Variants in TMC3 observed in about 807,000 individuals in gnomAD.
TMC3 encodes the protein transmembrane channel-like protein 3.
In TMC3, 98 loss-of-function variants were observed where a neutral mutation model predicts 110.6. The observed-to-expected ratio is 0.89, with a 90% CI of 0.75 to 1.05. The LOEUF (loss-of-function observed/expected upper bound fraction) is 1.05, where lower values mean the gene tolerates loss of function less well. Ranked by LOEUF, TMC3 falls within the 50% of genes least tolerant of loss-of-function variation. The pLI is 0.00. For synonymous variants in TMC3, 489 were observed against 513.1 expected (o/e 0.95, Z 0.63); for missense variants, 1,319 against 1,373.2 (o/e 0.96, Z 0.62).
chr15:81,334,626 A>G (rs774716431), intron 21 of TMC3, 94 bp downstream of exon 21: 10 of 1,462,242 alleles, frequency 6.8e-6, no homozygotes, highest in Non-Finnish European at 9.1e-6. Flanking sequence ...CTTCTGGGAG[A>G]ATTAGAATTT....
At position 81,332,720 on chromosome 15, in the gene TMC3, T is replaced by A; in HGVS notation, c.3002A>T (p.Glu1001Val). The A allele has an allele frequency of 6.2e-7, 1 of 1,613,794 alleles. No individual in the cohort carries two copies. The highest frequency in any genetic ancestry group is 2.2e-5 in the East Asian group (1 of 44,882). ...VHYKSWNEDF[E>V]GHLERPAYVP... Reference sequence around the variant, plus strand: ...ATAGGCTGGCCTCTCAAGGTGACCCTCAAAATCTTCATTCCACGACTTGTA... The same window carrying A: ...ATAGGCTGGCCTCTCAAGGTGACCCACAAAATCTTCATTCCACGACTTGTA... Residue 1001 changes from glutamate (E) to valine (V), a missense_variant, in exon 22 of 22, where the codon GAG becomes GTG. Transcript: ENST00000359440.
At chr15:81,345,657 C>T (rs1042592780) in intron 12 of TMC3, among the ~76,000 whole-genome samples, 1 of 151,956 alleles carries the variant, frequency 6.6e-6, no homozygotes, top group Non-Finnish European at 1.5e-5. Context: ...ATCGCTTGAG[C>T]CCAAGAGTTT....
chr15:81,333,385 G>A, intron 21 of TMC3, 123 bp from the exon 22 acceptor site: 1 of 1,320,198 alleles, frequency 7.6e-7, no homozygotes, highest in South Asian at 1.5e-5. Flanking sequence ...ACTGGTTAAT[G>A]GGTATGGATT....
chr15:81,359,751 C>G (rs1331586582), intron 4 of TMC3, among the ~76,000 whole-genome samples: 1 of 152,156 alleles, frequency 6.6e-6, no homozygotes, highest in African/African-American at 2.4e-5. Context: ...ATGGTCTTAT[C>G]AAATTTACAA....
chr15:81,358,331 C>A, intron 6 of TMC3, 40 bp from the exon 7 acceptor site: 1 of 1,597,874 alleles, frequency 6.3e-7, no homozygotes, highest in Non-Finnish European at 8.5e-7. Flanking sequence ...GCTTCCCGTT[C>A]CCAGGTCTCA....
chr15:81,334,713 G>C lies in TMC3; in HGVS notation c.2459+7C>G. ...AGGTTTTAATCTGTGCTGCAGTGGA[G>C]CCTCACCTGTTAGTTTCATGCTCTA... On this transcript the variant is annotated splice_region_variant and intron_variant, in intron 21 of 21. Coordinates refer to ENST00000359440, the MANE Select transcript of TMC3 (RefSeq NM_001080532.3). The C allele has an allele frequency of 6.2e-7, 1 of 1,612,764 alleles. No individual in the cohort carries two copies. The highest frequency in any genetic ancestry group is 8.5e-7 in the Non-Finnish European group (1 of 1,178,994).
chr15:81,355,661 T>G, intron 9 of TMC3, 64 bp downstream of exon 9: 8 of 1,100,664 alleles, frequency 7.3e-6, no homozygotes, highest in Non-Finnish European at 1.1e-5. Flanking sequence ...GATCTGGTAG[T>G]TTTTGTACCA....
At chr15:81,349,031 A>T (rs374567895) in intron 11 of TMC3, among the ~76,000 whole-genome samples, 7 of 151,666 alleles carry the variant, frequency 4.6e-5, no homozygotes, top group Admixed American at 4.6e-4. Context: ...GGGTTTCTCC[A>T]TGTTGGTCAG....
In TMC3 at chr15:81,333,186, G is replaced by T. The variant is rs573702601; in HGVS notation, c.2536C>A (p.His846Asn). 1.9e-6 allele frequency: 3 copies of T among 1,613,866 alleles called. No individual in the cohort carries two copies. In the South Asian group the frequency reaches 3.3e-5, roughly 18 times the overall value. ...RSRTPMTFTT[H>N]IEDVHSEPLF... ...GGTTCTGAGTGTACATCTTCGATGT[G>T]CGTTGTAAATGTCATAGGTGTGCGC... The change falls in exon 22 of 22, where the codon CAC becomes AAC. Residue 846 changes from histidine to asparagine, a missense_variant. Transcript: ENST00000359440.
chr15:81,372,558 G>A, intron 2 of TMC3, 33 bp downstream of exon 2: 1 of 1,612,072 alleles, frequency 6.2e-7, no homozygotes, highest in Non-Finnish European at 8.5e-7. Flanking sequence ...AAGCATGCTT[G>A]TAATGATCAA....
At chr15:81,352,424 C>T (rs1372891074) in intron 9 of TMC3, among the ~76,000 whole-genome samples, 2 of 152,196 alleles carry the variant, frequency 1.3e-5, no homozygotes, top group African/African-American at 4.8e-5. Flanking sequence ...ATGCATTGCA[C>T]TCACATTTGT....
At chr15:81,370,377 T>C (rs2141428127) in intron 2 of TMC3, among the ~76,000 whole-genome samples, 1 of 152,234 alleles carries the variant, frequency 6.6e-6, no homozygotes, top group South Asian at 2.1e-4. Context: ...GGAGAGGAGA[T>C]ATGCGTGGCA....
At chr15:81,343,102 A>G in intron 15 of TMC3, 176 bp downstream of exon 15, 1 of 488,260 alleles carries the variant, frequency 2.0e-6, no homozygotes, top group Non-Finnish European at 3.7e-6. Flanking sequence ...TCTTCCTGCA[A>G]AATTCTTAGG....
chr15:81,340,253 GAA>G (rs1893686261), intron 16 of TMC3, among the ~76,000 whole-genome samples: 1 of 150,704 alleles, frequency 6.6e-6, no homozygotes, highest in African/African-American at 2.4e-5. Flanking sequence ...TCTCTCTCAT[GAA>G]AAAGACTTGA....
intron 3 of TMC3, among the ~76,000 whole-genome samples, chr15:81,365,677 AAAAAAAAAGAAAAAG>A (rs1270005737): frequency 4.5e-5 from 6 of 134,342 alleles, no homozygotes; most frequent in Non-Finnish European, 7.5e-5. Flanking sequence ...TCTCAAAAAA[AAAAAAAAAGAAAAAG>A]AAAAAAAAGA....
At position 81,344,994 on chromosome 15, in the gene TMC3, A is replaced by G. The variant is rs1596083076; in HGVS notation, c.1290T>C (p.Asn430=). ...TGGAATCTATCCAATGACTTGTGTT[A>G]TTTTTGGTAGCCATTTCCTGGGGAG... ...SMSIEEMATK[N]NTSHWIDSTT... Residue 430 remains asparagine (N), a synonymous_variant, in exon 13 of 22, where the codon AAT becomes AAC. Transcript: ENST00000359440. 2.5e-6 allele frequency: 4 copies of G among 1,582,200 alleles called. No homozygotes were observed. The East Asian group carries it at 9.2e-5, about 36-fold the overall frequency.
rs1894137334 is a variant in TMC3, at chr15:81,359,383, AG to A, written c.482del (p.Ala161ValfsTer8). On this transcript the variant is annotated frameshift_variant, in exon 5 of 22. Coordinates refer to ENST00000359440, the MANE Select transcript of TMC3 (RefSeq NM_001080532.3). LOFTEE classifies it high-confidence loss of function. The stretch of plus-strand genomic sequence containing the variant: ...ATCTTACCTCTGGAATGACAATAAA[AG>A]CACCTGTCATAATGGTGAGCACAAT... ...INIVLTIMTG[A>X]FIVIPELIAG... 1 of 1,604,556 alleles carries A rather than the reference AG, an allele frequency of 6.2e-7. No homozygotes were observed.
chr15:81,357,142 C>A (rs1894082347), intron 7 of TMC3, among the ~76,000 whole-genome samples: 1 of 152,042 alleles, frequency 6.6e-6, no homozygotes, highest in African/African-American at 2.4e-5. Context: ...TTTCTTGCTT[C>A]CAAGTTTGCT....
At chr15:81,366,432 T>C (rs889500848) in intron 3 of TMC3, among the ~76,000 whole-genome samples, 3 of 152,176 alleles carry the variant, frequency 2.0e-5, no homozygotes, top group South Asian at 4.1e-4. Context: ...AGATAAAAAT[T>C]TGGATTACCT....
Sources: allele counts gnomAD v4.1 joint callset (sites outside exome capture counted in the v4.1 genomes callset), GRCh38; gene constraint gnomAD v4.1.1; transcripts MANE v1.5; gene names NCBI Gene and HGNC (gene_info 2026-07-23, HGNC 2026-07-21).